Variants in ATP2B4 observed in about 807,000 individuals in gnomAD.
The protein encoded by ATP2B4 is plasma membrane calcium-transporting ATPase 4.
A neutral mutation model predicts 110.3 loss-of-function variants in ATP2B4; 39 were observed. The ratio of observed to expected loss-of-function variants is 0.35; its 90% CI spans 0.27 to 0.46. The LOEUF (loss-of-function observed/expected upper bound fraction) is 0.46, where lower values mean the gene tolerates loss of function less well. ATP2B4 is among the 20% of genes least tolerant of loss of function. ATP2B4 has a pLI of 1.00. For missense variants in ATP2B4, 1,135 were observed against 1,530.9 expected (o/e 0.74, Z 4.32); for synonymous variants, 538 against 571.7 (o/e 0.94, Z 0.84).
chr1:203,646,068 C>T (rs898268018), intron 1 of ATP2B4, among the ~76,000 whole-genome samples: 1 of 151,628 alleles, frequency 6.6e-6, no homozygotes, highest in Non-Finnish European at 1.5e-5. Flanking sequence ...AGAATATTTA[C>T]TTTTTTTCCA....
chr1:203,707,951 C>T lies in ATP2B4; in HGVS notation c.1404C>T (p.Gly468=). 1 of 1,614,210 alleles carries T rather than the reference C, an allele frequency of 6.2e-7. No individual in the cohort carries two copies. Among genetic ancestry groups the T allele is most frequent in the Non-Finnish European group, 8.5e-7 (1 of 1,180,058 alleles). Residue 468 remains glycine (G), a synonymous_variant, in exon 10 of 21, where the codon GGC becomes GGT. Transcript: ENST00000357681. The stretch of plus-strand genomic sequence containing the variant: ...CCGCCATCTGCTCTGATAAGACAGG[C>T]ACGTTGACCATGAACCGCATGACTG... ...NATAICSDKT[G]TLTMNRMTVV... is the part of the protein sequence containing the mutation.
Position 203,650,431 on chromosome 1 carries a change from G to A in ATP2B4, c.-465+23212G>A, listed in dbSNP as rs1013835556. Among the ~76,000 whole-genome samples the A allele has an allele frequency of 3.9e-5, 6 of 152,314 alleles. No homozygotes were observed. The East Asian group carries it at 1.2e-3, about 29-fold the overall frequency. ...GTGCTTGGCTGGCTGGGTCGAGTGA[G>A]TCATCGGCCCCCTCTGAGCAATCGC... On this transcript the variant is annotated intron_variant, in intron 1 of 20. Transcript: ENST00000357681.
At position 203,699,524 on chromosome 1, in the gene ATP2B4, G is replaced by A. The variant is rs780873640; in HGVS notation, c.456G>A (p.Gly152=). Residue 152 remains glycine (G), a synonymous_variant, in exon 4 of 21, where the codon GGG becomes GGA. Transcript: ENST00000357681. The part of the protein sequence containing the change: ...ENEAQAGWIE[G]AAILFSVIIV... ...AGGCACAAGCTGGCTGGATTGAGGGGGCAGCCATCCTTTTCTCAGTGATCA... is the reference window on the plus strand; with the variant it reads ...AGGCACAAGCTGGCTGGATTGAGGGAGCAGCCATCCTTTTCTCAGTGATCA... The A allele has an allele frequency of 6.2e-7, 1 of 1,614,112 alleles. No individual in the cohort carries two copies. Among genetic ancestry groups the A allele is most frequent in the Non-Finnish European group, 8.5e-7 (1 of 1,180,016 alleles).
At chr1:203,724,945 C>G (rs559163330) in intron 19 of ATP2B4, among the ~76,000 whole-genome samples, 1 of 137,872 alleles carries the variant, frequency 7.3e-6, no homozygotes, top group Non-Finnish European at 1.5e-5. Context: ...TGTGTGATCT[C>G]GGCTCACTGC....
chr1:203,741,005 T>C lies in ATP2B4; in HGVS notation c.*1151T>C, dbSNP rs1472261771. 1.3e-5 allele frequency: 2 copies of C among 152,210 alleles called. No homozygotes were observed. Among genetic ancestry groups the C allele is most frequent in the Non-Finnish European group, 2.9e-5 (2 of 68,052 alleles). 9.4% of individuals were successfully genotyped at this position (152,210 alleles called of 1,614,324 possible). ...CTTGGGAGAGGCCAAAGAGCCATTC[T>C]AGCATGATCTGAGAAAACCTTCCTG... On this transcript the variant is annotated 3_prime_UTR_variant, in exon 21 of 21. Coordinates refer to ENST00000357681, the MANE Select transcript of ATP2B4 (RefSeq NM_001684.5).
At chr1:203,675,863 G>C (rs1004010676) in intron 1 of ATP2B4, among the ~76,000 whole-genome samples, 1 of 152,116 alleles carries the variant, frequency 6.6e-6, no homozygotes, top group African/African-American at 2.4e-5. Flanking sequence ...CTGGGAAAGG[G>C]GGCTGTCCTG....
intron 1 of ATP2B4, among the ~76,000 whole-genome samples, chr1:203,671,017 G>A (rs1664645164): frequency 6.6e-6 from 1 of 152,130 alleles, no homozygotes; most frequent in South Asian, 2.1e-4. Context: ...ATTTTTATCT[G>A]GTTAATGTGT....
rs751366917 is a variant in ATP2B4, at chr1:203,683,257, C to T, written c.52C>T (p.Arg18Cys). 1.7e-5 allele frequency: 28 copies of T among 1,614,030 alleles called. No individual in the cohort carries two copies. The highest frequency in any genetic ancestry group is 1.3e-4 in the South Asian group (12 of 91,076). ...VLPANSMAESREGDFGCTVME... is the reference protein window; with the variant it reads ...VLPANSMAESCEGDFGCTVME... ...GCCTGCCAACTCGATGGCCGAGAGC[C>T]GTGAAGGGGACTTTGGCTGCACAGT... Residue 18 changes from arginine to cysteine, a missense_variant, in exon 2 of 21, where the codon CGT (arginine) becomes TGT (cysteine). By Grantham distance (180) the Arg-to-Cys change is radical. Around this residue, in one of 9 missense-constraint regions of ATP2B4, gnomAD observed 122 missense variants for 125.2 expected, o/e 0.97. Coordinates refer to ENST00000357681, the MANE Select transcript of ATP2B4 (RefSeq NM_001684.5).
intron 12 of ATP2B4, 76 bp from the exon 13 acceptor site, chr1:203,711,884 G>A: frequency 6.6e-7 from 1 of 1,525,164 alleles, no homozygotes; most frequent in Admixed American, 1.8e-5. Flanking sequence ...CTGCCACAAA[G>A]GGACAGACAA....
At chr1:203,633,713 G>GATAAATAA (rs59277643) in intron 1 of ATP2B4, among the ~76,000 whole-genome samples, 88,306 of 144,132 alleles carry the variant, frequency 0.61, 27,442 homozygotes, top group East Asian at 0.75. Context: ...CTCCATATCA[G>GATAAATAA]ATAAATAAAT....
chr1:203,646,467 A>C (rs1663802488), intron 1 of ATP2B4, among the ~76,000 whole-genome samples: 1 of 151,958 alleles, frequency 6.6e-6, no homozygotes, highest in Non-Finnish European at 1.5e-5. Context: ...AAAATATAAA[A>C]ATAAAAAAAC....
At chr1:203,700,385 C>A in intron 5 of ATP2B4, 54 bp downstream of exon 5, 1 of 1,574,984 alleles carries the variant, frequency 6.3e-7, no homozygotes, top group South Asian at 1.2e-5. Context: ...ACACCTAGGC[C>A]ACAGGATCCA....
rs1890334 is a variant in ATP2B4 at position 203,696,733 on chromosome 1, G to A, written c.194-1424G>A. ...ATCTCTTGTCCCTCTGGGAAAGTGC[G>A]TAGAGAGTAGGTGTGGTATGTATGT... is the stretch of plus-strand genomic sequence containing the variant. On this transcript the variant is annotated intron_variant, in intron 2 of 20. Coordinates refer to ENST00000357681, the MANE Select transcript of ATP2B4 (RefSeq NM_001684.5). Among the ~76,000 whole-genome samples the A allele has an allele frequency of 4.5e-3, 690 of 152,178 alleles. 5 individuals carry two copies. Among genetic ancestry groups the A allele is most frequent in the African/African-American group, 0.016 (661 of 41,506 alleles).
chr1:203,687,996 T>TGA (rs397975168), intron 2 of ATP2B4, among the ~76,000 whole-genome samples: 22 of 52,094 alleles, frequency 4.2e-4, no homozygotes, highest in East Asian at 2.0e-3. Flanking sequence ...GAGAAAGAGA[T>TGA]TATTATTATT....
intron 1 of ATP2B4, among the ~76,000 whole-genome samples, chr1:203,668,452 G>T (rs1387163770): frequency 5.3e-5 from 8 of 151,990 alleles, no homozygotes; most frequent in Admixed American, 4.6e-4. Flanking sequence ...ACTGACTTTT[G>T]TATTTAATCC....
At chr1:203,700,983 C>T (rs1057274198) in intron 6 of ATP2B4, 60 bp downstream of exon 6, 46 of 1,561,418 alleles carry the variant, frequency 2.9e-5, no homozygotes, top group Middle Eastern at 1.8e-4. Context: ...AACAAGGAAG[C>T]GAGGGAGCAG....
intron 1 of ATP2B4, among the ~76,000 whole-genome samples, chr1:203,652,056 CAA>C (rs147932185): frequency 6.4e-4 from 83 of 129,348 alleles, no homozygotes; most frequent in Non-Finnish European, 6.4e-4. Flanking sequence ...GACTCTGTCT[CAA>C]AAAAAAAAAA....
chr1:203,691,812 T>C (rs1665385131), intron 2 of ATP2B4, among the ~76,000 whole-genome samples: 1 of 152,190 alleles, frequency 6.6e-6, no homozygotes, highest in Non-Finnish European at 1.5e-5. Flanking sequence ...TGCATGGCCC[T>C]ATTTTGATTT....
Position 203,707,962 on chromosome 1 carries a change from T to A in ATP2B4, c.1415T>A (p.Met472Lys), listed in dbSNP as rs757340991. The A allele has an allele frequency of 6.2e-7, 1 of 1,614,232 alleles. No individual in the cohort carries two copies. Among genetic ancestry groups the A allele is most frequent in the East Asian group, 2.2e-5 (1 of 44,886 alleles). ...ICSDKTGTLT[M>K]NRMTVVQAYI... ...TCTGATAAGACAGGCACGTTGACCA[T>A]GAACCGCATGACTGTGGTACAAGCT... Residue 472 changes from methionine (M) to lysine (K), a missense_variant, in exon 10 of 21, where the codon ATG becomes AAG. Met to Lys is a moderately conservative substitution (Grantham distance 95, BLOSUM62 -1). Around this residue, in one of 9 missense-constraint regions of ATP2B4, gnomAD observed 368 missense variants for 455.9 expected, o/e 0.81. Coordinates refer to ENST00000357681, the MANE Select transcript of ATP2B4 (RefSeq NM_001684.5).
Sources: allele counts gnomAD v4.1 joint callset (sites outside exome capture counted in the v4.1 genomes callset), GRCh38; gene constraint gnomAD v4.1.1; regional missense constraint gnomAD v4.1.1; transcripts MANE v1.5; gene names NCBI Gene and HGNC (gene_info 2026-07-23, HGNC 2026-07-21).